STK31: variants seen among roughly 807,000 people sequenced by gnomAD.
The protein encoded by STK31 is serine/threonine-protein kinase 31.
STK31 carries 89 observed loss-of-function variants against 129.7 expected under a neutral mutation model. The ratio of observed to expected loss-of-function variants is 0.69; its 90% CI spans 0.58 to 0.82. The LOEUF (loss-of-function observed/expected upper bound fraction) is 0.82, where lower values mean the gene tolerates loss of function less well. STK31 is among the 40% of genes least tolerant of loss of function. The pLI is 0.00. For synonymous variants in STK31, 448 were observed against 395.3 expected, an observed-to-expected ratio of 1.13 and a Z score of -1.58; for missense variants, 1,187 against 1,176.4, an observed-to-expected ratio of 1.01 and a Z score of -0.13.
intron 23 of STK31, among the ~76,000 whole-genome samples, chr7:23,831,694 T>A (rs1794558078): frequency 6.6e-6 from 1 of 150,724 alleles, no homozygotes; most frequent in South Asian, 2.1e-4. Flanking sequence ...TTTTCTGTCG[T>A]GGTAACACTT....
intron 22 of STK31, among the ~76,000 whole-genome samples, chr7:23,798,675 C>T (rs180983845): frequency 1.1e-4 from 17 of 152,240 alleles, no homozygotes; most frequent in African/African-American, 4.1e-4. Flanking sequence ...GAAGCATTCC[C>T]TTGAAAACTG....
At chr7:23,801,156 T>G (rs1429965948) in intron 22 of STK31, among the ~76,000 whole-genome samples, 1 of 152,238 alleles carries the variant, frequency 6.6e-6, no homozygotes, top group Non-Finnish European at 1.5e-5. Context: ...GTGGCTGTAC[T>G]GTTTTTGATT....
rs1218399090 is a variant in STK31, at chr7:23,739,757, C to G, written c.1017+2679C>G. 3.3e-5 allele frequency among the ~76,000 whole-genome samples: 5 copies of G among 152,214 alleles called. No individual in the cohort carries two copies. The East Asian group carries it at 9.6e-4, about 29-fold the overall frequency. ...TCCTTTCCCCATTGCTTGTTTTTGTCAGGTTTGTCGAAGATCAGATGGTTG... is the reference window on the plus strand; with the variant it reads ...TCCTTTCCCCATTGCTTGTTTTTGTGAGGTTTGTCGAAGATCAGATGGTTG... On this transcript the variant is annotated intron_variant, in intron 8 of 23. Transcript: ENST00000355870.
chr7:23,752,658 T>C, intron 8 of STK31, 59 bp from the exon 9 acceptor site: 1 of 1,274,514 alleles, frequency 7.8e-7, no homozygotes, highest in Non-Finnish European at 1.1e-6. Flanking sequence ...ATTTAAATTA[T>C]AGCAGAAATA....
rs940440062 is a variant in STK31, at chr7:23,735,587, G to T, written c.533G>T (p.Arg178Ile). ...SLIFEKEIKM[R>I]IKATSEDGTV... ...ATTTTTGAAAAGGAAATAAAAATGA[G>T]AATTAAAGCAACCTCTGAAGATGGA... The change falls in exon 7 of 24, where the codon AGA becomes ATA. Residue 178 changes from arginine (R) to isoleucine (I), a missense_variant. This residue lies in a region of STK31 where 103 missense variants were observed against 110.4 expected (regional missense o/e 0.93). Coordinates refer to ENST00000355870, the MANE Select transcript of STK31 (RefSeq NM_031414.5). 34 of 1,610,742 alleles carry T rather than the reference G, an allele frequency of 2.1e-5. No homozygotes were observed. In the South Asian group the frequency reaches 3.8e-4, roughly 18 times the overall value.
chr7:23,744,342 C>A (rs1307367512), intron 8 of STK31, among the ~76,000 whole-genome samples: 1 of 150,306 alleles, frequency 6.7e-6, no homozygotes, highest in East Asian at 1.9e-4. Flanking sequence ...TCATTTATAA[C>A]CTGAATTGTT....
At chr7:23,756,084 G>T (rs1324572905) in intron 10 of STK31, among the ~76,000 whole-genome samples, 3 of 152,120 alleles carry the variant, frequency 2.0e-5, no homozygotes, top group African/African-American at 7.2e-5. Context: ...AAATTTTTTG[G>T]CCAGTATAGC....
chr7:23,794,698 C>T (rs1791846980), intron 22 of STK31, among the ~76,000 whole-genome samples: 1 of 152,138 alleles, frequency 6.6e-6, no homozygotes, highest in Non-Finnish European at 1.5e-5. Context: ...GTGGTCTCAC[C>T]TGGAGATGAG....
chr7:23,753,484 C>T (rs148876168), intron 9 of STK31, among the ~76,000 whole-genome samples: 746 of 152,126 alleles, frequency 4.9e-3, no homozygotes, highest in Non-Finnish European at 8.2e-3. Flanking sequence ...TTGGAATAAG[C>T]GGGTTGGAAA....
At chr7:23,746,490 C>G (rs1247048433) in intron 8 of STK31, among the ~76,000 whole-genome samples, 1 of 152,182 alleles carries the variant, frequency 6.6e-6, no homozygotes, top group Non-Finnish European at 1.5e-5. Flanking sequence ...TATCTACTTG[C>G]TATTTTGGCT....
At chr7:23,789,956 A>G (rs1043443664) in intron 21 of STK31, among the ~76,000 whole-genome samples, 1 of 152,194 alleles carries the variant, frequency 6.6e-6, no homozygotes, top group African/African-American at 2.4e-5. Context: ...TTTGAAAAGT[A>G]GTCTGAGGTC....
chr7:23,832,086 A>C, intron 23 of STK31, 50 bp from the exon 24 acceptor site: 1 of 1,341,706 alleles, frequency 7.5e-7, no homozygotes, highest in Non-Finnish European at 1.1e-6. Flanking sequence ...TCTTCATTAC[A>C]GATTTGTCCT....
intron 3 of STK31, among the ~76,000 whole-genome samples, chr7:23,716,774 G>A (rs567806450): frequency 3.4e-5 from 5 of 145,130 alleles, no homozygotes; most frequent in East Asian, 2.0e-4. Context: ...GTCCTTAAAC[G>A]TCTCCTATTC....
intron 8 of STK31, among the ~76,000 whole-genome samples, chr7:23,750,008 T>C (rs967801050): frequency 4.8e-5 from 7 of 145,770 alleles, no homozygotes; most frequent in Non-Finnish European, 1.0e-4. Context: ...TGGTTTCTTT[T>C]CAGGGTAGAT....
At chr7:23,826,718 T>C (rs1794175548) in intron 23 of STK31, among the ~76,000 whole-genome samples, 1 of 152,176 alleles carries the variant, frequency 6.6e-6, no homozygotes, top group East Asian at 1.9e-4. Flanking sequence ...ATTTGGCATG[T>C]TTTTGCAGTG....
intron 23 of STK31, among the ~76,000 whole-genome samples, chr7:23,816,065 C>T (rs938335612): frequency 5.3e-5 from 8 of 152,076 alleles, no homozygotes; most frequent in East Asian, 1.9e-4. Context: ...TAATGTCCCA[C>T]GAAATCATTT....
In STK31 at chr7:23,772,493, T is replaced by C. The variant is rs191328408; in HGVS notation, c.1965+215T>C. Among the ~76,000 whole-genome samples the C allele has an allele frequency of 2.8e-3, 424 of 152,288 alleles. 2 individuals carry two copies. The highest frequency in any genetic ancestry group is 4.5e-3 in the Non-Finnish European group (308 of 67,990). Reference sequence around the variant, plus strand: ...TTTTCCTATATCATTAAATATTCTTTAAAAACATTTTCCTAGGCTGCCTTG... The same window carrying C: ...TTTTCCTATATCATTAAATATTCTTCAAAAACATTTTCCTAGGCTGCCTTG... On this transcript the variant is annotated intron_variant, in intron 15 of 23. Coordinates refer to ENST00000355870, the MANE Select transcript of STK31 (RefSeq NM_031414.5).
At position 23,781,448 on chromosome 7, in the gene STK31, G is replaced by A. The variant is rs1051380100; in HGVS notation, c.1995G>A (p.Glu665=). 3 of 1,610,920 alleles carry A rather than the reference G, an allele frequency of 1.9e-6. No individual in the cohort carries two copies. Among genetic ancestry groups the A allele is most frequent in the East Asian group, 4.5e-5 (2 of 44,648 alleles). The change falls in exon 16 of 24, where the codon GAG becomes GAA. Residue 665 remains glutamate, a synonymous_variant. Transcript: ENST00000355870. ...ATGATCCTGATGGCTCTCAAATTGA[G>A]AAAATAAAAGAAGAAATAACTCAGC... ...ESDDPDGSQI[E]KIKEEITQLR... is the part of the protein sequence containing the mutation.
At chr7:23,763,992 T>G (rs1369197737) in intron 11 of STK31, among the ~76,000 whole-genome samples, 1 of 152,174 alleles carries the variant, frequency 6.6e-6, no homozygotes. Flanking sequence ...TGCTAGAAAT[T>G]TGGAGAAGAA....
Sources: gnomAD v4.1 joint callset for allele counts (sites outside exome capture counted in the v4.1 genomes callset) on GRCh38, gnomAD v4.1.1 for gene constraint, gnomAD v4.1.1 regional missense constraint, MANE v1.5 for transcripts, NCBI Gene and HGNC (gene_info 2026-07-23, HGNC 2026-07-21) for gene names.